The following RANBP2 variants were observed in gnomAD, a reference collection of about 807,000 sequenced individuals.
RANBP2 encodes E3 SUMO-protein ligase RanBP2.
Under a neutral mutation model 303.6 loss-of-function variants are expected in RANBP2, and 57 were observed. That is an observed-to-expected ratio of 0.19 (90% CI 0.15 to 0.23). RANBP2 has a LOEUF of 0.23. Ranked by LOEUF, RANBP2 falls within the 10% of genes least tolerant of loss-of-function variation. The probability of loss-of-function intolerance (pLI) is 1.00; values close to 1 mark genes in which losing one functional copy is unlikely to be tolerated. For missense variants in RANBP2, 3,138 were observed against 3,780.8 expected, an observed-to-expected ratio of 0.83 and a Z score of 4.46; for synonymous variants, 1,167 against 1,301.5, an observed-to-expected ratio of 0.90 and a Z score of 2.23.
chr2:109,043,679 A>C, the RANBP2 span, among the ~76,000 whole-genome samples: 3 of 152,204 alleles, frequency 2.0e-5, no homozygotes, highest in Non-Finnish European at 4.4e-5. Context: ...TTTAAATGTT[A>C]CCTGAAGCCT....
the RANBP2 span, among the ~76,000 whole-genome samples, chr2:109,505,116 T>C: frequency 2.6e-5 from 4 of 152,332 alleles, no homozygotes; most frequent in East Asian, 7.7e-4. Context: ...GAGCCATGGC[T>C]GCCATTCCCT....
At chr2:108,957,737 C>T in the RANBP2 span, among the ~76,000 whole-genome samples, 1 of 152,226 alleles carries the variant, frequency 6.6e-6, no homozygotes, top group Non-Finnish European at 1.5e-5. Flanking sequence ...AGAAGCCTCA[C>T]AATCCATGTT....
intron 22 of RANBP2, 48 bp downstream of exon 22, chr2:108,772,629 A>T (rs1290334503): frequency 6.6e-7 from 1 of 1,522,372 alleles, no homozygotes; most frequent in Non-Finnish European, 9.1e-7. Flanking sequence ...CAAGTCTTCT[A>T]TTTAGAAGGA....
chr2:109,554,985 T>C, the RANBP2 span, among the ~76,000 whole-genome samples: 4 of 152,170 alleles, frequency 2.6e-5, 1 homozygote, highest in Non-Finnish European at 5.9e-5. Flanking sequence ...TCTCCTAATA[T>C]AACCTTCTTT....
At chr2:109,700,865 C>T in the RANBP2 span, among the ~76,000 whole-genome samples, 3 of 151,884 alleles carry the variant, frequency 2.0e-5, no homozygotes, top group Non-Finnish European at 2.9e-5. Flanking sequence ...GTGACTTCTC[C>T]CCCGAAGGAC....
At chr2:109,421,392 G>T in the RANBP2 span, among the ~76,000 whole-genome samples, 1 of 152,222 alleles carries the variant, frequency 6.6e-6, no homozygotes, top group African/African-American at 2.4e-5. Flanking sequence ...GGTGCAGAGG[G>T]CTCCCCAGCT....
the RANBP2 span, among the ~76,000 whole-genome samples, chr2:108,794,019 A>G: frequency 6.6e-6 from 1 of 152,204 alleles, no homozygotes; most frequent in African/African-American, 2.4e-5. Flanking sequence ...AGTGTTTGCA[A>G]AATAGGATAT....
the RANBP2 span, among the ~76,000 whole-genome samples, chr2:109,089,624 A>G: frequency 6.6e-6 from 1 of 152,114 alleles, no homozygotes; most frequent in Admixed American, 6.6e-5. Flanking sequence ...AAACAGAACA[A>G]AAAACCTGGT....
At chr2:109,407,000 G>A in the RANBP2 span, among the ~76,000 whole-genome samples, 6 of 152,324 alleles carry the variant, frequency 3.9e-5, no homozygotes, top group Non-Finnish European at 7.4e-5. Context: ...AGGAAGAGAC[G>A]ACACCTTTCC....
the RANBP2 span, among the ~76,000 whole-genome samples, chr2:109,402,984 T>C: frequency 6.6e-6 from 1 of 152,108 alleles, no homozygotes. Context: ...TCGACTGCAG[T>C]TGATACACAG....
At chr2:108,833,045 C>T in the RANBP2 span, among the ~76,000 whole-genome samples, 1 of 152,180 alleles carries the variant, frequency 6.6e-6, no homozygotes, top group African/African-American at 2.4e-5. Context: ...ATGATTCCAA[C>T]TATAATGACA....
chr2:109,161,244 A>G, the RANBP2 span, among the ~76,000 whole-genome samples: 1 of 152,188 alleles, frequency 6.6e-6, no homozygotes, highest in Non-Finnish European at 1.5e-5. Flanking sequence ...TAAGTCAGGC[A>G]CGAGTATGCA....
At chr2:109,476,454 C>G in the RANBP2 span, among the ~76,000 whole-genome samples, 1 of 152,222 alleles carries the variant, frequency 6.6e-6, no homozygotes, top group Non-Finnish European at 1.5e-5. Context: ...CAAATCCCAT[C>G]AGACTCTTCA....
the RANBP2 span, chr2:109,545,898 G>C: frequency 5.1e-4 from 734 of 1,447,374 alleles, 10 homozygotes; most frequent in South Asian, 7.2e-3. Context: ...GTGAACAAGA[G>C]GGACAAGGTC....
chr2:109,678,456 C>T, the RANBP2 span, among the ~76,000 whole-genome samples: 1 of 152,192 alleles, frequency 6.6e-6, no homozygotes, highest in Non-Finnish European at 1.5e-5. Flanking sequence ...TTGGCCCTAC[C>T]AGGGATCGCA....
the RANBP2 span, among the ~76,000 whole-genome samples, chr2:109,092,252 G>GCGCA: frequency 1.3e-5 from 2 of 152,110 alleles, no homozygotes; most frequent in African/African-American, 4.8e-5. Context: ...CTTTTGGTAA[G>GCGCA]CGCAACAGGC....
At chr2:109,249,024 G>A in the RANBP2 span, among the ~76,000 whole-genome samples, 1 of 152,044 alleles carries the variant, frequency 6.6e-6, no homozygotes, top group Non-Finnish European at 1.5e-5. Context: ...TGGGACTATA[G>A]GTGCATGCCA....
chr2:109,084,006 G>T, the RANBP2 span, among the ~76,000 whole-genome samples: 1 of 152,052 alleles, frequency 6.6e-6, no homozygotes, highest in Non-Finnish European at 1.5e-5. Context: ...TTAAAGCTTT[G>T]TGTCACCCTT....
At chr2:109,231,504 A>G in the RANBP2 span, among the ~76,000 whole-genome samples, 2 of 152,298 alleles carry the variant, frequency 1.3e-5, no homozygotes, top group African/African-American at 4.8e-5. Context: ...AGAAACATCT[A>G]TGAAGAATAA....
Sources: allele counts gnomAD v4.1 joint callset (sites outside exome capture counted in the v4.1 genomes callset), GRCh38; gene constraint gnomAD v4.1.1; transcripts MANE v1.5; gene names NCBI Gene and HGNC (gene_info 2026-07-23, HGNC 2026-07-21).